THADA: variants seen among roughly 807,000 people sequenced by gnomAD.
THADA encodes the protein tRNA (32-2'-O)-methyltransferase regulator THADA.
A neutral mutation model predicts 219.8 loss-of-function variants in THADA; 213 were observed. The ratio of observed to expected loss-of-function variants is 0.97; its 90% CI spans 0.87 to 1.09. THADA has a LOEUF of 1.09. Among genes scored for constraint, THADA ranks in the 50% least tolerant of loss-of-function variants. The pLI, the probability that THADA is intolerant of heterozygous loss-of-function variation, is 0.00. For missense variants in THADA, 2,956 were observed against 2,311.3 expected (o/e 1.28, Z -5.72); for synonymous variants, 1,018 against 828.9 (o/e 1.23, Z -3.92).
intron 28 of THADA, among the ~76,000 whole-genome samples, chr2:43,423,243 T>C (rs1337514240): frequency 6.6e-6 from 1 of 151,768 alleles, no homozygotes; most frequent in Non-Finnish European, 1.5e-5. Context: ...CTTGCCTTCA[T>C]TTTTTTTATG....
intron 29 of THADA, among the ~76,000 whole-genome samples, chr2:43,345,672 T>C (rs1029785132): frequency 1.3e-5 from 2 of 152,190 alleles, no homozygotes; most frequent in East Asian, 3.8e-4. Flanking sequence ...CCCACTGTCC[T>C]GAAAGAGCTG....
At chr2:43,291,516 A>C (rs1674720848) in intron 34 of THADA, among the ~76,000 whole-genome samples, 180 bp downstream of exon 34, 1 of 150,920 alleles carries the variant, frequency 6.6e-6, no homozygotes, top group Non-Finnish European at 1.5e-5. Context: ...GTGGTGTCCA[A>C]AGAAGTCTTT....
intron 29 of THADA, among the ~76,000 whole-genome samples, chr2:43,366,011 G>A (rs1448726484): frequency 6.6e-6 from 1 of 152,152 alleles, no homozygotes; most frequent in African/African-American, 2.4e-5. Flanking sequence ...TGAATATTGT[G>A]TACAGTAAAA....
At position 43,556,463 on chromosome 2, in the gene THADA, C is replaced by G; in HGVS notation, c.2556G>C (p.Leu852=). The stretch of plus-strand genomic sequence containing the variant: ...GAGCATCCTGCCAGATTAAGAAGTT[C>G]AGCAGGTAGGAAGCTGTCACACAGT... ...PYDCVTASYL[L]NFLIWQDALP... Residue 852 remains leucine, a synonymous_variant, in exon 17 of 38, where the codon CTG becomes CTC. Coordinates refer to ENST00000405975, the MANE Select transcript of THADA (RefSeq NM_022065.5). The G allele has an allele frequency of 6.2e-7, 1 of 1,613,878 alleles. No individual in the cohort carries two copies. Among genetic ancestry groups the G allele is most frequent in the Non-Finnish European group, 8.5e-7 (1 of 1,179,854 alleles).
chr2:43,501,332 A>AG, intron 24 of THADA, among the ~76,000 whole-genome samples: 1 of 138,516 alleles, frequency 7.2e-6, no homozygotes, highest in Admixed American at 7.0e-5. Context: ...AAAAAAAAAA[A>AG]AAAAAAAGAG....
intron 30 of THADA, among the ~76,000 whole-genome samples, chr2:43,334,192 G>T (rs1391331774): frequency 6.6e-6 from 1 of 152,100 alleles, no homozygotes; most frequent in African/African-American, 2.4e-5. Flanking sequence ...GACAGAAAAA[G>T]GAGAATAGAT....
At chr2:43,473,468 C>T (rs902334866) in intron 26 of THADA, among the ~76,000 whole-genome samples, 4 of 152,016 alleles carry the variant, frequency 2.6e-5, no homozygotes, top group Admixed American at 2.0e-4. Flanking sequence ...AGGACCCGCC[C>T]GAGCCAGTTT....
chr2:43,480,688 T>C (rs751071941), intron 26 of THADA, among the ~76,000 whole-genome samples: 14 of 151,682 alleles, frequency 9.2e-5, no homozygotes, highest in Non-Finnish European at 2.1e-4. Flanking sequence ...TGTGGTAGTG[T>C]GCACCTGTAA....
chr2:43,540,963 T>A (rs995176972), intron 21 of THADA, among the ~76,000 whole-genome samples, 196 bp downstream of exon 21: 1 of 152,086 alleles, frequency 6.6e-6, no homozygotes, highest in Admixed American at 6.6e-5. Flanking sequence ...TTAGAAAAAA[T>A]TTCTAAAAAT....
chr2:43,556,820 T>C (rs6713341), intron 16 of THADA, among the ~76,000 whole-genome samples: 1,828 of 152,136 alleles, frequency 0.012, 42 homozygotes, highest in African/African-American at 0.042. Context: ...ACCCCATCAC[T>C]TTGGAAGGCC....
intron 11 of THADA, among the ~76,000 whole-genome samples, chr2:43,573,606 T>G (rs530885675): frequency 6.6e-6 from 1 of 152,248 alleles, no homozygotes; most frequent in African/African-American, 2.4e-5. Context: ...TGGCTTATTT[T>G]TGCATACAGG....
intron 29 of THADA, among the ~76,000 whole-genome samples, chr2:43,374,024 T>A (rs1304760265): frequency 1.3e-5 from 2 of 152,186 alleles, no homozygotes; most frequent in Non-Finnish European, 2.9e-5. Flanking sequence ...ACAATCTCAA[T>A]CAAAAAACAT....
intron 24 of THADA, among the ~76,000 whole-genome samples, chr2:43,503,044 G>A (rs191233324): frequency 4.6e-5 from 7 of 152,252 alleles, no homozygotes; most frequent in Non-Finnish European, 8.8e-5. Context: ...ACACTAAGCA[G>A]AAAGTCAAAA....
At chr2:43,267,910 A>G (rs1219917879) in intron 36 of THADA, among the ~76,000 whole-genome samples, 1 of 152,174 alleles carries the variant, frequency 6.6e-6, no homozygotes, top group African/African-American at 2.4e-5. Context: ...AACCCCAGAA[A>G]ATACTTCAGA....
chr2:43,475,182 T>G (rs1344225243), intron 26 of THADA, among the ~76,000 whole-genome samples: 1 of 152,046 alleles, frequency 6.6e-6, no homozygotes, highest in Non-Finnish European at 1.5e-5. Flanking sequence ...TTTGGGAGGC[T>G]GAGGTGGGTG....
chr2:43,505,975 T>A (rs946105267), intron 23 of THADA, among the ~76,000 whole-genome samples: 1 of 152,216 alleles, frequency 6.6e-6, no homozygotes, highest in Non-Finnish European at 1.5e-5. Flanking sequence ...TCACTTCCAC[T>A]TTGCTCATTA....
chr2:43,520,260 T>C lies in THADA; in HGVS notation c.3374+7619A>G, dbSNP rs75693813. On this transcript the variant is annotated intron_variant, in intron 22 of 37. Coordinates refer to ENST00000405975, the MANE Select transcript of THADA (RefSeq NM_022065.5). The stretch of plus-strand genomic sequence containing the variant: ...CCTCTTGTCTGAAGGTATTTTGTTT[T>C]TATTTGGCTATCTTGTCGAATTAAT... Among the ~76,000 whole-genome samples, 739 of 152,324 alleles carry C rather than the reference T, an allele frequency of 4.9e-3. 4 individuals are homozygous for C. Among genetic ancestry groups the C allele is most frequent in the African/African-American group, 0.017 (711 of 41,560 alleles).
intron 29 of THADA, among the ~76,000 whole-genome samples, chr2:43,352,348 A>G (rs1668369962): frequency 6.6e-6 from 1 of 152,174 alleles, no homozygotes; most frequent in Non-Finnish European, 1.5e-5. Flanking sequence ...ACCTGATGTC[A>G]GGAGTTCGAG....
intron 31 of THADA, among the ~76,000 whole-genome samples, chr2:43,295,032 G>A (rs954420028): frequency 1.3e-5 from 2 of 152,182 alleles, no homozygotes; most frequent in African/African-American, 4.8e-5. Flanking sequence ...CCCAAGGTGG[G>A]AGGACTGCTT....
Sources: gnomAD v4.1 joint callset for allele counts (sites outside exome capture counted in the v4.1 genomes callset) on GRCh38, gnomAD v4.1.1 for gene constraint, MANE v1.5 for transcripts, NCBI Gene and HGNC (gene_info 2026-07-23, HGNC 2026-07-21) for gene names.